ZDHHC20: variants seen among roughly 807,000 people sequenced by gnomAD.
ZDHHC20 encodes palmitoyltransferase ZDHHC20.
In ZDHHC20, 43 loss-of-function variants were observed where a neutral mutation model predicts 57.8. That is an observed-to-expected ratio of 0.74 (90% CI 0.58 to 0.96). ZDHHC20 has a LOEUF of 0.96. Ranked by LOEUF, ZDHHC20 falls within the 40% of genes least tolerant of loss-of-function variation. The probability of loss-of-function intolerance (pLI) is 0.00; values close to 1 mark genes in which losing one functional copy is unlikely to be tolerated. For missense variants in ZDHHC20, 391 were observed against 441.1 expected, an observed-to-expected ratio of 0.89 and a Z score of 1.02; for synonymous variants, 157 against 153.0, an observed-to-expected ratio of 1.03 and a Z score of -0.19.
At chr13:21,421,426 T>C (rs1880638456) in intron 2 of ZDHHC20, among the ~76,000 whole-genome samples, 1 of 152,224 alleles carries the variant, frequency 6.6e-6, no homozygotes, top group Non-Finnish European at 1.5e-5. Context: ...ATTAAATTGC[T>C]GAAGATTTAA....
At chr13:21,411,106 T>A (rs1172172341) in intron 4 of ZDHHC20, among the ~76,000 whole-genome samples, 1 of 152,172 alleles carries the variant, frequency 6.6e-6, no homozygotes. Context: ...TTCCCTTGGC[T>A]AGGGGAGGGA....
Position 21,381,541 on chromosome 13 carries a change from G to A in ZDHHC20, c.953C>T (p.Ser318Leu). 1 of 1,612,316 alleles carries A rather than the reference G, an allele frequency of 6.2e-7. No homozygotes were observed. ...NQNEYARSSG[S>L]NQPFPIKPLS... Reference sequence around the variant, plus strand: ...TGGTTTGATAGGAAAAGGTTGATTTGAGCCACTACTGAAAAGAAGAGCAAA... The same window carrying A: ...TGGTTTGATAGGAAAAGGTTGATTTAAGCCACTACTGAAAAGAAGAGCAAA... Residue 318 changes from serine to leucine, a missense_variant, in exon 11 of 13, where the codon TCA becomes TTA. By Grantham distance (145) the Ser-to-Leu change is moderately radical. This residue lies in a region of ZDHHC20 where 197 missense variants were observed against 220.8 expected (regional missense o/e 0.89). Coordinates refer to ENST00000400590, the MANE Select transcript of ZDHHC20 (RefSeq NM_001330059.2).
intron 1 of ZDHHC20, among the ~76,000 whole-genome samples, chr13:21,457,443 T>C (rs1362748462): frequency 6.6e-6 from 1 of 152,206 alleles, no homozygotes; most frequent in African/African-American, 2.4e-5. Flanking sequence ...ACTACCACTT[T>C]CTGGAAGTAG....
intron 6 of ZDHHC20, among the ~76,000 whole-genome samples, chr13:21,401,178 C>A (rs1172366416): frequency 6.6e-6 from 1 of 151,920 alleles, no homozygotes; most frequent in East Asian, 1.9e-4. Flanking sequence ...ACTTGAGAGA[C>A]TGAGGTGGAA....
chr13:21,379,520 G>A (rs1872855236), intron 11 of ZDHHC20, among the ~76,000 whole-genome samples: 1 of 152,078 alleles, frequency 6.6e-6, no homozygotes, highest in African/African-American at 2.4e-5. Context: ...GAGCTCAAGT[G>A]ATCCTCCTGC....
intron 2 of ZDHHC20, among the ~76,000 whole-genome samples, chr13:21,423,466 A>T (rs1880877202): frequency 6.6e-6 from 1 of 152,060 alleles, no homozygotes; most frequent in South Asian, 2.1e-4. Context: ...ACTTGAGGTC[A>T]GGAGTTCAAG....
chr13:21,455,710 G>A (rs1184021867), intron 1 of ZDHHC20, among the ~76,000 whole-genome samples: 1 of 151,648 alleles, frequency 6.6e-6, no homozygotes, highest in Non-Finnish European at 1.5e-5. Flanking sequence ...AGGGTAAGAT[G>A]GAATGAGGGC....
chr13:21,389,414 A>G (rs907432358), intron 8 of ZDHHC20, among the ~76,000 whole-genome samples: 11 of 152,204 alleles, frequency 7.2e-5, no homozygotes, highest in Non-Finnish European at 7.3e-5. Flanking sequence ...TTTCCTTTTA[A>G]GAAACTAGAA....
At chr13:21,418,790 C>G (rs977503053) in intron 3 of ZDHHC20, among the ~76,000 whole-genome samples, 9 of 152,194 alleles carry the variant, frequency 5.9e-5, no homozygotes, top group Non-Finnish European at 7.3e-5. Context: ...CCTCCCACCT[C>G]AGCCTCCCGA....
At chr13:21,382,761 CTT>C (rs778343816) in intron 10 of ZDHHC20, among the ~76,000 whole-genome samples, 157 bp downstream of exon 10, 2 of 152,128 alleles carry the variant, frequency 1.3e-5, no homozygotes, top group African/African-American at 2.4e-5. Flanking sequence ...AGCACATATA[CTT>C]TTATTAAACC....
At chr13:21,426,890 G>T (rs921923307) in intron 1 of ZDHHC20, among the ~76,000 whole-genome samples, 3 of 152,168 alleles carry the variant, frequency 2.0e-5, no homozygotes, top group African/African-American at 7.2e-5. Context: ...TTACAGGCAT[G>T]AGCCACCGCG....
chr13:21,412,774 G>A (rs538287382), intron 4 of ZDHHC20, among the ~76,000 whole-genome samples: 1 of 151,974 alleles, frequency 6.6e-6, no homozygotes, highest in South Asian at 2.1e-4. Flanking sequence ...TTCGAGACCA[G>A]CCTGGCCAAC....
Position 21,424,665 on chromosome 13 carries a change from T to A in ZDHHC20, c.145+987A>T, listed in dbSNP as rs376302555. 3.3e-5 allele frequency among the ~76,000 whole-genome samples: 5 copies of A among 150,760 alleles called. No homozygotes were observed. The East Asian group carries it at 9.8e-4, about 30-fold the overall frequency. On this transcript the variant is annotated intron_variant, in intron 2 of 12. Coordinates refer to ENST00000400590, the MANE Select transcript of ZDHHC20 (RefSeq NM_001330059.2). ...GGCGGAGCTTGCAGTGAGCCTAGAT[T>A]GCGCCACTGCACTCCAGCCTGGGCA...
chr13:21,429,268 A>C (rs1373513577), intron 1 of ZDHHC20, among the ~76,000 whole-genome samples: 2 of 152,216 alleles, frequency 1.3e-5, no homozygotes, highest in East Asian at 1.9e-4. Context: ...CGTGAGAAAG[A>C]AGCTCTATTA....
intron 9 of ZDHHC20, among the ~76,000 whole-genome samples, chr13:21,386,209 C>T (rs1419387286): frequency 6.6e-6 from 1 of 152,114 alleles, no homozygotes; most frequent in Non-Finnish European, 1.5e-5. Flanking sequence ...AAAAAATGAA[C>T]AGTGCATCAG....
In ZDHHC20 at chr13:21,376,605, T is replaced by A; in HGVS notation, c.*91A>T. ...TTCAGTTATTTCATTCCACTGATCA[T>A]TTTCTTGCAAATGAAAATTGAAAAT... On this transcript the variant is annotated 3_prime_UTR_variant, in exon 13 of 13. Transcript: ENST00000400590. The A allele has an allele frequency of 7.3e-7, 1 of 1,369,088 alleles. No homozygotes were observed. The highest frequency in any genetic ancestry group is 9.8e-7 in the Non-Finnish European group (1 of 1,017,730). 84.8% of individuals were successfully genotyped at this position (1,369,088 alleles called of 1,614,324 possible). A position where few individuals can be genotyped will look rare whatever the true frequency, so the allele number is the denominator to read the frequency against.
rs1329226275 is a variant in ZDHHC20 at position 21,374,442 on chromosome 13, C to T, written c.*2254G>A. 2.2e-6 allele frequency: 1 copy of T among 455,612 alleles called. No homozygotes were observed. Among genetic ancestry groups the T allele is most frequent in the Non-Finnish European group, 4.4e-6 (1 of 226,602 alleles). The allele number at this position is 455,612 out of a possible 1,614,324, so 28.2% of individuals were successfully genotyped here. ...TGGAGACAGGGTTTTGCCATTTTGACCAGGCTAATCTCGAACCCCTGACCT... is the reference window on the plus strand; with the variant it reads ...TGGAGACAGGGTTTTGCCATTTTGATCAGGCTAATCTCGAACCCCTGACCT... On this transcript the variant is annotated 3_prime_UTR_variant, in exon 13 of 13. Transcript: ENST00000400590.
intron 1 of ZDHHC20, among the ~76,000 whole-genome samples, chr13:21,450,225 T>C (rs750660965): frequency 3.3e-5 from 5 of 152,082 alleles, no homozygotes; most frequent in African/African-American, 4.8e-5. Flanking sequence ...AGATGTCAAG[T>C]AAACAGATTA....
intron 7 of ZDHHC20, among the ~76,000 whole-genome samples, chr13:21,397,930 T>C (rs1165262686): frequency 1.3e-5 from 2 of 152,082 alleles, no homozygotes; most frequent in African/African-American, 2.4e-5. Context: ...TCTGTGATAT[T>C]AGGAATAGGA....
Sources: gnomAD v4.1 joint callset for allele counts (sites outside exome capture counted in the v4.1 genomes callset) on GRCh38, gnomAD v4.1.1 for gene constraint, gnomAD v4.1.1 regional missense constraint, MANE v1.5 for transcripts, NCBI Gene and HGNC (gene_info 2026-07-23, HGNC 2026-07-21) for gene names.